Variants in MZT1 observed in about 807,000 individuals in gnomAD.
The protein encoded by MZT1 is mitotic spindle organizing protein 1.
MZT1 carries 8 observed loss-of-function variants against 8.5 expected under a neutral mutation model. The ratio of observed to expected loss-of-function variants is 0.94; its 90% CI spans 0.55 to 1.70. The LOEUF (loss-of-function observed/expected upper bound fraction) is 1.70. Among genes scored for constraint, MZT1 ranks in the 40% most tolerant of loss-of-function variants. MZT1 has a pLI of 0.00. For synonymous variants in MZT1, 38 were observed against 42.0 expected (o/e 0.90, Z 0.37); for missense variants, 93 against 108.6 (o/e 0.86, Z 0.64).
In MZT1 at chr13:72,710,642, G is replaced by T. The variant is rs577808533; in HGVS notation, c.226-297C>A. 1.2e-4 allele frequency among the ~76,000 whole-genome samples: 18 copies of T among 152,210 alleles called. No individual in the cohort carries two copies. In the East Asian group the frequency reaches 3.5e-3, roughly 29 times the overall value. ...AACATTAACCTATGGCAGACCTGTT[G>T]CCACAGACTTCATTAGTTTGTCTGT... On this transcript the variant is annotated intron_variant, in intron 2 of 2. Transcript: ENST00000377818.
At position 72,724,732 on chromosome 13, in the gene MZT1, A is replaced by G. The variant is rs868667195; in HGVS notation, c.79+2792T>C. 5.1e-3 allele frequency among the ~76,000 whole-genome samples: 167 copies of G among 33,018 alleles called. 17 individuals are homozygous for G. The highest frequency in any genetic ancestry group is 0.014 in the Non-Finnish European group (105 of 7,646). 21.7% of individuals were successfully genotyped at this position (33,018 alleles called of 152,430 possible). On this transcript the variant is annotated intron_variant, in intron 1 of 2. Coordinates refer to ENST00000377818, the MANE Select transcript of MZT1 (RefSeq NM_001071775.3). ...TATATATATATACATATATATATAT[A>G]TATATATACACATATATATATGTAA...
At chr13:72,719,395 G>A (rs996433568) in intron 1 of MZT1, among the ~76,000 whole-genome samples, 3 of 152,058 alleles carry the variant, frequency 2.0e-5, no homozygotes, top group African/African-American at 7.3e-5. Flanking sequence ...CTGAACACTT[G>A]CTTATTTTTT....
intron 1 of MZT1, 106 bp from the exon 2 acceptor site, chr13:72,719,203 T>C: frequency 1.2e-6 from 1 of 862,408 alleles, no homozygotes; most frequent in Non-Finnish European, 1.6e-6. Context: ...ACCAAGGAAT[T>C]AGCATAGCAT....
rs1056047449 is a variant in MZT1 at position 72,716,042 on chromosome 13, C to T, written c.225+2910G>A. On this transcript the variant is annotated intron_variant, in intron 2 of 2. Coordinates refer to ENST00000377818, the MANE Select transcript of MZT1 (RefSeq NM_001071775.3). ...AAGTGATTCTCTTGCCTCAGCCTCC[C>T]GAGCAGCTGGGATTACAGTGCCTGC... 4.6e-5 allele frequency among the ~76,000 whole-genome samples: 7 copies of T among 152,092 alleles called. No individual in the cohort carries two copies. The South Asian group carries it at 1.0e-3, about 23-fold the overall frequency.
chr13:72,714,240 T>C (rs1286249033), intron 2 of MZT1, among the ~76,000 whole-genome samples: 2 of 152,204 alleles, frequency 1.3e-5, no homozygotes, highest in African/African-American at 4.8e-5. Context: ...GGGTATCTGG[T>C]GGAAGAAATT....
intron 2 of MZT1, among the ~76,000 whole-genome samples, chr13:72,711,128 G>T (rs1342230007): frequency 6.6e-6 from 1 of 152,128 alleles, no homozygotes; most frequent in Admixed American, 6.5e-5. Context: ...CCACCATAAT[G>T]GTATAACTTA....
intron 1 of MZT1, among the ~76,000 whole-genome samples, chr13:72,723,134 C>A (rs551084836): frequency 6.6e-6 from 1 of 152,148 alleles, no homozygotes; most frequent in Non-Finnish European, 1.5e-5. Context: ...TAGACCCCCC[C>A]ACGTATAAAG....
At chr13:72,719,123 A>C (rs756838643) in intron 1 of MZT1, 26 bp from the exon 2 acceptor site, 21 of 1,518,960 alleles carry the variant, frequency 1.4e-5, no homozygotes, top group East Asian at 2.3e-5. Context: ...AAAAAAAAAA[A>C]AACTTAAGGC....
At chr13:72,715,481 G>T (rs527760398) in intron 2 of MZT1, among the ~76,000 whole-genome samples, 1 of 152,260 alleles carries the variant, frequency 6.6e-6, no homozygotes, top group South Asian at 2.1e-4. Flanking sequence ...AATGTGAGAA[G>T]AACACATGAG....
chr13:72,722,587 A>G (rs1365320525), intron 1 of MZT1, among the ~76,000 whole-genome samples: 1 of 152,160 alleles, frequency 6.6e-6, no homozygotes, highest in Non-Finnish European at 1.5e-5. Flanking sequence ...CCCTAGCTTT[A>G]GGCCTCTAGA....
At chr13:72,712,080 T>G (rs958107814) in intron 2 of MZT1, among the ~76,000 whole-genome samples, 11 of 152,238 alleles carry the variant, frequency 7.2e-5, no homozygotes, top group African/African-American at 2.7e-4. Flanking sequence ...CTTAAAAGTA[T>G]AAGGATGCAT....
At chr13:72,710,513 A>G (rs536520029) in intron 2 of MZT1, among the ~76,000 whole-genome samples, 168 bp from the exon 3 acceptor site, 8 of 152,286 alleles carry the variant, frequency 5.3e-5, no homozygotes, top group African/African-American at 1.9e-4. Context: ...ATACATCAGG[A>G]CTACCTTTTG....
At chr13:72,725,244 G>C (rs899911637) in intron 1 of MZT1, among the ~76,000 whole-genome samples, 1 of 152,016 alleles carries the variant, frequency 6.6e-6, no homozygotes, top group Admixed American at 6.5e-5. Context: ...GTTGCGAGGG[G>C]GGTGTTGTTG....
chr13:72,721,769 G>C (rs9543101), intron 1 of MZT1, among the ~76,000 whole-genome samples: 134,284 of 152,202 alleles, frequency 0.88, 61,269 homozygotes, highest in Non-Finnish European at 0.99. Flanking sequence ...CCATTGTTCT[G>C]TATGCTTTAC....
intron 2 of MZT1, among the ~76,000 whole-genome samples, chr13:72,716,727 G>T (rs549837394): frequency 1.3e-5 from 2 of 152,280 alleles, no homozygotes; most frequent in East Asian, 3.9e-4. Context: ...AAAATCACAA[G>T]CTTTTAAATC....
rs969132247 is a variant in MZT1 at position 72,709,729 on chromosome 13, T to G, written c.*593A>C. The G allele has an allele frequency of 6.6e-6, 1 of 152,094 alleles. No individual in the cohort carries two copies. Among genetic ancestry groups the G allele is most frequent in the Non-Finnish European group, 1.5e-5 (1 of 67,936 alleles). 9.4% of individuals were successfully genotyped at this position (152,094 alleles called of 1,614,324 possible). On this transcript the variant is annotated 3_prime_UTR_variant, in exon 3 of 3. Coordinates refer to ENST00000377818, the MANE Select transcript of MZT1 (RefSeq NM_001071775.3). Reference sequence around the variant, plus strand: ...CTGCCCAACAAACTGTTTGAAAAACTAAATATTCTTTGTTCAAGAGTAGAT... The same window carrying G: ...CTGCCCAACAAACTGTTTGAAAAACGAAATATTCTTTGTTCAAGAGTAGAT...
chr13:72,709,439 T>C lies in MZT1; in HGVS notation c.*883A>G, dbSNP rs1308228558. The C allele has an allele frequency of 6.6e-6, 1 of 152,044 alleles. No homozygotes were observed. Among genetic ancestry groups the C allele is most frequent in the African/African-American group, 2.4e-5 (1 of 41,452 alleles). The allele number at this position is 152,044 out of a possible 1,614,324, so 9.4% of individuals were successfully genotyped here. On this transcript the variant is annotated 3_prime_UTR_variant, in exon 3 of 3. Coordinates refer to ENST00000377818, the MANE Select transcript of MZT1 (RefSeq NM_001071775.3). ...TATTAAATAACCATTCAAGATTTAT[T>C]AGGTAAGCACTAAAATTACTTTTAT... is the stretch of plus-strand genomic sequence containing the variant.
Position 72,713,629 on chromosome 13 carries a change from CT to C in MZT1, c.226-3285del, listed in dbSNP as rs200609636. Reference sequence around the variant, plus strand: ...AGTACAGACATAACCATCCTTCCCCCTGTTCCCCAAATATTTTTGATCCACA... The same window carrying C: ...AGTACAGACATAACCATCCTTCCCCCGTTCCCCAAATATTTTTGATCCACA... On this transcript the variant is annotated intron_variant, in intron 2 of 2. Transcript: ENST00000377818. Among the ~76,000 whole-genome samples, 291 of 152,238 alleles carry C rather than the reference CT, an allele frequency of 1.9e-3. 1 individual carries two copies. Among genetic ancestry groups the C allele is most frequent in the African/African-American group, 6.5e-3 (270 of 41,550 alleles).
intron 1 of MZT1, among the ~76,000 whole-genome samples, chr13:72,726,641 C>A (rs1488071071): frequency 6.6e-6 from 1 of 151,070 alleles, no homozygotes; most frequent in South Asian, 2.1e-4. Context: ...AAGAGAGAGG[C>A]CATCTGAAAT....
Sources: gnomAD v4.1 joint callset for allele counts (sites outside exome capture counted in the v4.1 genomes callset) on GRCh38, gnomAD v4.1.1 for gene constraint, MANE v1.5 for transcripts, NCBI Gene and HGNC (gene_info 2026-07-23, HGNC 2026-07-21) for gene names.